Variants in TSHR observed in about 807,000 individuals in gnomAD.
TSHR encodes thyroid stimulating hormone receptor, also known as thyrotropin receptor.
TSHR carries 51 observed loss-of-function variants against 64.1 expected under a neutral mutation model. The ratio of observed to expected loss-of-function variants is 0.80; its 90% CI spans 0.64 to 1.01. The LOEUF is 1.01. Among genes scored for constraint, TSHR ranks in the 50% least tolerant of loss-of-function variants. TSHR has a pLI of 0.00. For synonymous variants in TSHR, 361 were observed against 361.9 expected, an observed-to-expected ratio of 1.00 and a Z score of 0.03; for missense variants, 877 against 942.8, an observed-to-expected ratio of 0.93 and a Z score of 0.91.
chr14:81,144,109 C>T lies in TSHR; in HGVS notation c.2051C>T (p.Ala684Val). The change falls in exon 10 of 10, where the codon GCC becomes GTC. Residue 684 changes from alanine (A) to valine (V), a missense_variant. Physicochemically the swap from Ala to Val is moderately conservative, Grantham distance 64. Coordinates refer to ENST00000298171, the MANE Select transcript of TSHR (RefSeq NM_000369.5). ...TTCCTCTATGCTATTTTCACCAAGGCCTTCCAGAGGGATGTGTTCATCCTA... is the reference window on the plus strand; with the variant it reads ...TTCCTCTATGCTATTTTCACCAAGGTCTTCCAGAGGGATGTGTTCATCCTA... ...NPFLYAIFTK[A>V]FQRDVFILLS... 6.2e-7 allele frequency: 1 copy of T among 1,614,142 alleles called. No homozygotes were observed. Among genetic ancestry groups the T allele is most frequent in the Non-Finnish European group, 8.5e-7 (1 of 1,180,042 alleles).
intron 1 of TSHR, among the ~76,000 whole-genome samples, chr14:80,961,676 A>G (rs888620408): frequency 5.3e-5 from 8 of 152,312 alleles, no homozygotes; most frequent in East Asian, 1.9e-4. Context: ...AAAACAGTTA[A>G]TGGGGGTAGC....
intron 1 of TSHR, among the ~76,000 whole-genome samples, chr14:80,986,562 C>T (rs1888458794): frequency 6.6e-6 from 1 of 152,166 alleles, no homozygotes; most frequent in Admixed American, 6.5e-5. Context: ...TCTCGGCTCA[C>T]TGTAACCTCT....
intron 1 of TSHR, among the ~76,000 whole-genome samples, chr14:81,046,439 G>A (rs748159893): frequency 7.9e-4 from 119 of 149,704 alleles, no homozygotes; most frequent in Non-Finnish European, 1.2e-3. Flanking sequence ...TACAGAAGAG[G>A]AAAAAAATAG....
At position 81,143,917 on chromosome 14, in the gene TSHR, C is replaced by T. The variant is rs1179469165; in HGVS notation, c.1859C>T (p.Thr620Ile). The change falls in exon 10 of 10, where the codon ACC becomes ATC. Residue 620 changes from threonine to isoleucine, a missense_variant. Transcript: ENST00000298171. Reference protein sequence around the residue: ...NPQYNPGDKDTKIAKRMAVLI... With the variant: ...NPQYNPGDKDIKIAKRMAVLI... ...CAGTACAACCCAGGGGACAAAGATA[C>T]CAAAATTGCCAAGAGGATGGCTGTG... 2 of 1,614,092 alleles carry T rather than the reference C, an allele frequency of 1.2e-6. No individual in the cohort carries two copies. The highest frequency in any genetic ancestry group is 3.3e-5 in the Admixed American group (2 of 60,008).
chr14:80,980,712 C>G (rs1006048995), intron 1 of TSHR, among the ~76,000 whole-genome samples: 1 of 152,136 alleles, frequency 6.6e-6, no homozygotes, highest in Non-Finnish European at 1.5e-5. Flanking sequence ...CTCATTTTCT[C>G]TATTCTTTTC....
intron 8 of TSHR, among the ~76,000 whole-genome samples, chr14:81,138,274 T>G (rs935788979): frequency 2.6e-5 from 4 of 151,274 alleles, no homozygotes; most frequent in African/African-American, 9.7e-5. Flanking sequence ...CACTGCAACT[T>G]CCGCCTCCCA....
intron 1 of TSHR, among the ~76,000 whole-genome samples, chr14:80,997,490 T>G (rs67391693): frequency 0.13 from 19,552 of 152,118 alleles, 1,555 homozygotes; most frequent in East Asian, 0.38. Context: ...TTAAATGGGT[T>G]TTATTCCTGT....
At chr14:81,142,556 T>C (rs1319531998) in intron 9 of TSHR, among the ~76,000 whole-genome samples, 1 of 151,958 alleles carries the variant, frequency 6.6e-6, no homozygotes, top group African/African-American at 2.4e-5. Context: ...GTAAGTAGTT[T>C]GCACATTTTC....
chr14:81,131,294 C>G (rs1169813376), intron 8 of TSHR, among the ~76,000 whole-genome samples: 2 of 152,180 alleles, frequency 1.3e-5, no homozygotes, highest in Admixed American at 6.5e-5. Flanking sequence ...TTCAGTATCT[C>G]CACTGCTACC....
intron 1 of TSHR, among the ~76,000 whole-genome samples, chr14:80,988,779 T>C (rs1027981655): frequency 1.3e-5 from 2 of 152,238 alleles, no homozygotes; most frequent in African/African-American, 2.4e-5. Context: ...TTTATGCTGA[T>C]TGTCGAACAT....
rs1296842207 is a variant in TSHR, at chr14:81,087,766, C to T, written c.318-188C>T. On this transcript the variant is annotated intron_variant, in intron 3 of 9. Coordinates refer to ENST00000298171, the MANE Select transcript of TSHR (RefSeq NM_000369.5). ...CAAAAGAGCTGAGCAGCCATTGGGT[C>T]CCCGTGAGGAGACAGGAGTAGTTTG... The T allele has an allele frequency of 7.6e-6, 5 of 657,184 alleles. No homozygotes were observed. In the Admixed American group the frequency reaches 1.1e-4, roughly 14 times the overall value. 40.7% of individuals were successfully genotyped at this position (657,184 alleles called of 1,614,324 possible). A position where few individuals can be genotyped will look rare whatever the true frequency, so the allele number is the denominator to read the frequency against.
intron 6 of TSHR, among the ~76,000 whole-genome samples, chr14:81,094,581 C>T (rs1001181168): frequency 9.3e-5 from 14 of 151,076 alleles, no homozygotes; most frequent in Non-Finnish European, 1.8e-4. Flanking sequence ...AACACATCAA[C>T]AATGACAACA....
Position 80,982,708 on chromosome 14 carries a change from G to GCAAGC in TSHR, c.170+26860_170+26864dup, listed in dbSNP as rs1888236406. 3.4e-6 allele frequency: 3 copies of GCAAGC among 886,150 alleles called. No homozygotes were observed. In the East Asian group the frequency reaches 8.9e-5, roughly 26 times the overall value. The allele number at this position is 886,150 out of a possible 1,614,324, so 54.9% of individuals were successfully genotyped here. A position where few individuals can be genotyped will look rare whatever the true frequency, so the allele number is the denominator to read the frequency against. On this transcript the variant is annotated intron_variant, in intron 1 of 9. Coordinates refer to ENST00000298171, the MANE Select transcript of TSHR (RefSeq NM_000369.5). ...TCGGATTAGATCCCAGGCATCTAAG[G>GCAAGC]CAAGCCCTCCTTCATATATTGTTTT...
intron 7 of TSHR, among the ~76,000 whole-genome samples, chr14:81,096,923 G>GGTGTGT (rs147149121): frequency 0.012 from 1,855 of 148,472 alleles, 20 homozygotes; most frequent in South Asian, 0.02. Context: ...TTTTCTCCCT[G>GGTGTGT]GTGTGTGTGT....
At position 81,133,120 on chromosome 14, in the gene TSHR, C is replaced by A. The variant is rs1891318440; in HGVS notation, c.693-6559C>A. 2.0e-5 allele frequency among the ~76,000 whole-genome samples: 3 copies of A among 152,292 alleles called. No homozygotes were observed. The South Asian group carries it at 6.2e-4, about 32-fold the overall frequency. ...ATTTGTTCCAAGCTCTTGCACAGTT[C>A]TGTGTGCTAAATACAGTAGTGATTA... On this transcript the variant is annotated intron_variant, in intron 8 of 9. Transcript: ENST00000298171.
chr14:80,993,477 TC>T (rs1888851239), intron 1 of TSHR: 1 of 152,162 alleles, frequency 6.6e-6, no homozygotes, highest in Non-Finnish European at 1.5e-5. Flanking sequence ...ATTAGTGATC[TC>T]CAGATTTAAT....
chr14:81,041,319 C>T lies in TSHR; in HGVS notation c.171-20829C>T, dbSNP rs192475119. Among the ~76,000 whole-genome samples the T allele has an allele frequency of 2.0e-5, 3 of 152,084 alleles. No individual in the cohort carries two copies. The East Asian group carries it at 5.8e-4, about 29-fold the overall frequency. On this transcript the variant is annotated intron_variant, in intron 1 of 9. Coordinates refer to ENST00000298171, the MANE Select transcript of TSHR (RefSeq NM_000369.5). ...ATAAAAAAATGTGTTACATATACAC[C>T]ATGGAATACTATGCAGCCATAAAAA...
At chr14:81,018,828 C>A (rs766783605) in intron 1 of TSHR, among the ~76,000 whole-genome samples, 12 of 152,224 alleles carry the variant, frequency 7.9e-5, no homozygotes, top group Middle Eastern at 3.4e-3. Flanking sequence ...AAAATGCATG[C>A]AAAATCCCAG....
At chr14:81,134,583 A>G (rs1004657754) in intron 8 of TSHR, among the ~76,000 whole-genome samples, 6 of 152,226 alleles carry the variant, frequency 3.9e-5, no homozygotes, top group African/African-American at 1.4e-4. Context: ...AACAGGCAGT[A>G]TTTCAGCTCT....
Sources: gnomAD v4.1 joint callset for allele counts (sites outside exome capture counted in the v4.1 genomes callset) on GRCh38, gnomAD v4.1.1 for gene constraint, MANE v1.5 for transcripts, NCBI Gene and HGNC (gene_info 2026-07-23, HGNC 2026-07-21) for gene names.